Variants in SRD5A2 observed in about 807,000 individuals in gnomAD.
The protein encoded by SRD5A2 is steroid 5 alpha-reductase 2.
Under a neutral mutation model 27.4 loss-of-function variants are expected in SRD5A2, and 30 were observed. The ratio of observed to expected loss-of-function variants is 1.10; its 90% confidence interval spans 0.82 to 1.49. The LOEUF is 1.49. Ranked by LOEUF, SRD5A2 falls within the 40% of genes most tolerant of loss-of-function variation. The pLI, the probability that SRD5A2 is intolerant of heterozygous loss-of-function variation, is 0.00. For missense variants in SRD5A2, 348 were observed against 323.4 expected (o/e 1.08, Z -0.58); for synonymous variants, 141 against 133.6 (o/e 1.06, Z -0.38).
chr2:31,583,171 G>A (rs1219859150), upstream of SRD5A2, among the ~76,000 whole-genome samples: 1 of 152,228 alleles, frequency 6.6e-6, no homozygotes, highest in African/African-American at 2.4e-5. Context: ...TCCAGGCTGT[G>A]TTTGGATGGA....
chr2:31,626,689 C>T, the SRD5A2 span, among the ~76,000 whole-genome samples: 1 of 152,158 alleles, frequency 6.6e-6, no homozygotes, highest in Non-Finnish European at 1.5e-5. Flanking sequence ...ACCAGCCTTG[C>T]ATCCCAGGGA....
At chr2:31,548,885 C>A (rs888310975) in intron 1 of SRD5A2, among the ~76,000 whole-genome samples, 6 of 151,986 alleles carry the variant, frequency 3.9e-5, no homozygotes, top group Non-Finnish European at 8.8e-5. Flanking sequence ...TATATACTTA[C>A]AATGGCTTTA....
At chr2:31,581,324 T>C (rs1376412193), upstream of SRD5A2, among the ~76,000 whole-genome samples, 1 of 152,086 alleles carries the variant, frequency 6.6e-6, no homozygotes, top group East Asian at 1.9e-4. Context: ...CACCACGCAG[T>C]CCCACCCTCG....
chr2:31,597,443 A>G, the SRD5A2 span, among the ~76,000 whole-genome samples: 18 of 151,924 alleles, frequency 1.2e-4, no homozygotes, highest in African/African-American at 4.1e-4. Context: ...AAATCCAAAA[A>G]CAAAGATAAA....
At chr2:31,529,626 C>G (rs1451609202) in intron 3 of SRD5A2, among the ~76,000 whole-genome samples, 169 bp from the exon 4 acceptor site, 1 of 152,174 alleles carries the variant, frequency 6.6e-6, no homozygotes, top group African/African-American at 2.4e-5. Flanking sequence ...GAAGGGGAAA[C>G]AAAGCAACAA....
the SRD5A2 span, among the ~76,000 whole-genome samples, chr2:31,639,763 C>T: frequency 6.6e-6 from 1 of 151,928 alleles, no homozygotes; most frequent in East Asian, 1.9e-4. Context: ...TCTTTTGCTG[C>T]TTTTAGAATC....
At chr2:31,586,375 T>A in the SRD5A2 span, among the ~76,000 whole-genome samples, 1 of 152,232 alleles carries the variant, frequency 6.6e-6, no homozygotes, top group Non-Finnish European at 1.5e-5. Flanking sequence ...CTTTTCCACC[T>A]GTTTATTGTA....
Position 31,526,104 on chromosome 2 carries a change from C to CATATATATCTATATATATAT in SRD5A2, c.*91_*92insATATATATATAGATATATAT. On this transcript the variant is annotated 3_prime_UTR_variant, in exon 5 of 5. Transcript: ENST00000622030. The stretch of plus-strand genomic sequence containing the variant: ...CAGGAGACCTACTATTACATATATA[C>CATATATATCTATATATATAT]GGGACTATTATATCATGAAAATTAC... The CATATATATCTATATATATAT allele has an allele frequency of 1.3e-6, 1 of 795,664 alleles. No individual in the cohort carries two copies. Among genetic ancestry groups the CATATATATCTATATATATAT allele is most frequent in the Non-Finnish European group, 2.0e-6 (1 of 493,562 alleles). The allele number at this position is 795,664 out of a possible 1,614,324, so 49.3% of individuals were successfully genotyped here. A position where few individuals can be genotyped will look rare whatever the true frequency, so the allele number is the denominator to read the frequency against.
intron 1 of SRD5A2, among the ~76,000 whole-genome samples, chr2:31,573,970 G>C (rs1366644692): frequency 6.6e-6 from 1 of 152,234 alleles, no homozygotes; most frequent in African/African-American, 2.4e-5. Context: ...GAATGGAGAA[G>C]AAGGGTGCCA....
chr2:31,623,844 G>A, the SRD5A2 span, among the ~76,000 whole-genome samples: 1 of 151,994 alleles, frequency 6.6e-6, no homozygotes, highest in Non-Finnish European at 1.5e-5. Context: ...GCCCTTTTCT[G>A]CATCAATTGA....
At chr2:31,541,497 T>C (rs558330854) in intron 1 of SRD5A2, among the ~76,000 whole-genome samples, 3 of 152,226 alleles carry the variant, frequency 2.0e-5, no homozygotes, top group African/African-American at 7.2e-5. Flanking sequence ...CTTTAAGAAC[T>C]GGAAAAGAGG....
the SRD5A2 span, among the ~76,000 whole-genome samples, chr2:31,596,532 G>T: frequency 6.6e-6 from 1 of 151,990 alleles, no homozygotes; most frequent in South Asian, 2.1e-4. Flanking sequence ...AACCAAACTG[G>T]CAAAGAGGAA....
At chr2:31,608,907 T>G in the SRD5A2 span, among the ~76,000 whole-genome samples, 1 of 152,016 alleles carries the variant, frequency 6.6e-6, no homozygotes, top group African/African-American at 2.4e-5. Context: ...CAATGTGACT[T>G]TATGTGGAAA....
chr2:31,583,111 T>A (rs1667108903), upstream of SRD5A2, among the ~76,000 whole-genome samples: 1 of 152,236 alleles, frequency 6.6e-6, no homozygotes, highest in Admixed American at 6.5e-5. Context: ...GGGCTTGACT[T>A]ATCTTAACAA....
At chr2:31,591,383 T>C in the SRD5A2 span, among the ~76,000 whole-genome samples, 1 of 152,056 alleles carries the variant, frequency 6.6e-6, no homozygotes, top group South Asian at 2.1e-4. Context: ...AAAACCACAA[T>C]AAGATACCAT....
At chr2:31,641,074 A>T in the SRD5A2 span, among the ~76,000 whole-genome samples, 4 of 152,254 alleles carry the variant, frequency 2.6e-5, no homozygotes, top group East Asian at 5.8e-4. Context: ...GGCCCTGGGA[A>T]CTGTCTCATC....
the SRD5A2 span, among the ~76,000 whole-genome samples, chr2:31,655,685 G>A: frequency 6.6e-6 from 1 of 152,078 alleles, no homozygotes; most frequent in Non-Finnish European, 1.5e-5. Context: ...GGAAGAGGTG[G>A]GAAGAATGAG....
chr2:31,625,425 A>C, the SRD5A2 span, among the ~76,000 whole-genome samples: 7 of 152,202 alleles, frequency 4.6e-5, no homozygotes, highest in Admixed American at 4.6e-4. Flanking sequence ...TTAGTCACGA[A>C]GTACTTGCCC....
chr2:31,615,203 CTGT>C, the SRD5A2 span, among the ~76,000 whole-genome samples: 5 of 152,146 alleles, frequency 3.3e-5, no homozygotes, highest in Admixed American at 6.5e-5. Context: ...TGGGGTGCTG[CTGT>C]TAAGATACCC....
Sources: allele counts gnomAD v4.1 joint callset (sites outside exome capture counted in the v4.1 genomes callset), GRCh38; gene constraint gnomAD v4.1.1; transcripts MANE v1.5; gene names NCBI Gene and HGNC (gene_info 2026-07-23, HGNC 2026-07-21).